Variants in GPC5 observed in about 807,000 individuals in gnomAD.
GPC5 encodes glypican 5.
GPC5 carries 47 observed loss-of-function variants against 53.9 expected under a neutral mutation model. That is an observed-to-expected ratio of 0.87 (90% confidence interval 0.69 to 1.11). The LOEUF is 1.11. GPC5 is among the 50% of genes most tolerant of loss of function. The pLI is 0.00. For missense variants in GPC5, 748 were observed against 713.1 expected (o/e 1.05, Z -0.56); for synonymous variants, 286 against 263.3 (o/e 1.09, Z -0.84).
At chr13:92,032,704 T>C (rs1008593223) in intron 6 of GPC5, among the ~76,000 whole-genome samples, 1 of 152,268 alleles carries the variant, frequency 6.6e-6, no homozygotes, top group African/African-American at 2.4e-5. Context: ...TTTGTACCAC[T>C]ATAAATTCAA....
At chr13:91,770,472 C>T (rs2037602129) in intron 5 of GPC5, among the ~76,000 whole-genome samples, 1 of 152,102 alleles carries the variant, frequency 6.6e-6, no homozygotes, top group Non-Finnish European at 1.5e-5. Context: ...AGCCCCCATC[C>T]AAGAGGCCAT....
intron 2 of GPC5, among the ~76,000 whole-genome samples, chr13:91,673,911 G>A (rs930303479): frequency 4.6e-5 from 7 of 151,798 alleles, no homozygotes; most frequent in East Asian, 1.9e-4. Flanking sequence ...AAAAGCATTC[G>A]TTTGCATTGT....
intron 3 of GPC5, among the ~76,000 whole-genome samples, chr13:91,700,849 A>G (rs2035977017): frequency 6.6e-6 from 1 of 152,154 alleles, no homozygotes; most frequent in Non-Finnish European, 1.5e-5. Flanking sequence ...TCCCAATATT[A>G]TGAGCTGTTT....
chr13:92,030,780 G>A (rs1292133285), intron 6 of GPC5, among the ~76,000 whole-genome samples: 1 of 152,218 alleles, frequency 6.6e-6, no homozygotes, highest in Non-Finnish European at 1.5e-5. Context: ...CATTTGCAGC[G>A]GGGAAGAGCC....
At chr13:91,422,567 C>T (rs1010871047) in intron 1 of GPC5, among the ~76,000 whole-genome samples, 1 of 151,866 alleles carries the variant, frequency 6.6e-6, no homozygotes, top group Non-Finnish European at 1.5e-5. Flanking sequence ...ACCCAGAAGG[C>T]AGAGTTTGCA....
At chr13:92,117,621 A>G (rs555553623) in intron 6 of GPC5, among the ~76,000 whole-genome samples, 12 of 152,282 alleles carry the variant, frequency 7.9e-5, no homozygotes, top group African/African-American at 2.9e-4. Flanking sequence ...CATGAATACC[A>G]TGTATCTCTC....
chr13:92,051,271 G>A (rs2041026530), intron 6 of GPC5, among the ~76,000 whole-genome samples: 1 of 147,850 alleles, frequency 6.8e-6, no homozygotes, highest in Non-Finnish European at 1.5e-5. Context: ...GCACCATCTC[G>A]GCTCACTGCA....
chr13:91,625,807 A>C (rs1285278379), intron 2 of GPC5, among the ~76,000 whole-genome samples: 1 of 152,132 alleles, frequency 6.6e-6, no homozygotes, highest in Non-Finnish European at 1.5e-5. Context: ...TAATACATAG[A>C]GTTTTCATTG....
At chr13:92,385,523 T>TAC (rs1566567787) in intron 7 of GPC5, among the ~76,000 whole-genome samples, 1 of 137,734 alleles carries the variant, frequency 7.3e-6, no homozygotes, top group African/African-American at 3.0e-5. Flanking sequence ...TACATACATA[T>TAC]GCATATATAC....
chr13:92,174,075 A>G (rs1270073386), intron 7 of GPC5, among the ~76,000 whole-genome samples: 2 of 152,190 alleles, frequency 1.3e-5, no homozygotes, highest in African/African-American at 2.4e-5. Flanking sequence ...ACTGCACTCT[A>G]GCCTGGGTGA....
At chr13:92,838,345 G>A (rs1352473045) in intron 7 of GPC5, among the ~76,000 whole-genome samples, 2 of 151,724 alleles carry the variant, frequency 1.3e-5, no homozygotes, top group Non-Finnish European at 2.9e-5. Context: ...TTAGCTGGGC[G>A]TGGTGGTGGG....
intron 7 of GPC5, among the ~76,000 whole-genome samples, chr13:92,482,929 A>G (rs1408593218): frequency 6.6e-6 from 1 of 152,068 alleles, no homozygotes; most frequent in Non-Finnish European, 1.5e-5. Flanking sequence ...GGTTTAATGG[A>G]CTCCCAGTTC....
At chr13:92,373,193 A>G (rs1488892192) in intron 7 of GPC5, among the ~76,000 whole-genome samples, 1 of 152,204 alleles carries the variant, frequency 6.6e-6, no homozygotes, top group African/African-American at 2.4e-5. Context: ...GGCTAGGTCA[A>G]CACATGAATA....
At chr13:92,034,426 A>G (rs2040877258) in intron 6 of GPC5, among the ~76,000 whole-genome samples, 1 of 152,164 alleles carries the variant, frequency 6.6e-6, no homozygotes, top group Non-Finnish European at 1.5e-5. Flanking sequence ...TGAACCCAGG[A>G]GGCAGAGGTT....
At chr13:91,650,750 GTT>G (rs67507888) in intron 2 of GPC5, among the ~76,000 whole-genome samples, 2,166 of 99,584 alleles carry the variant, frequency 0.022, 95 homozygotes, top group African/African-American at 0.076. Context: ...ATTCCCATAA[GTT>G]TTTTTTTTTT....
chr13:92,337,743 G>T (rs1450920404), intron 7 of GPC5, among the ~76,000 whole-genome samples: 2 of 152,092 alleles, frequency 1.3e-5, no homozygotes, highest in Non-Finnish European at 2.9e-5. Flanking sequence ...GGAACGACTG[G>T]ATTTACATGC....
At chr13:91,717,579 G>A (rs930038291) in intron 3 of GPC5, among the ~76,000 whole-genome samples, 8 of 151,488 alleles carry the variant, frequency 5.3e-5, no homozygotes, top group Non-Finnish European at 8.8e-5. Flanking sequence ...TTTTTTAGAC[G>A]GAGTTTCACT....
intron 7 of GPC5, among the ~76,000 whole-genome samples, chr13:92,590,919 C>T (rs1883692371): frequency 6.6e-6 from 1 of 152,292 alleles, no homozygotes; most frequent in South Asian, 2.1e-4. Context: ...TCTTTCTAGG[C>T]ATGTGCCCTG....
chr13:91,624,226 T>C (rs1190702751), intron 2 of GPC5, among the ~76,000 whole-genome samples: 1 of 152,174 alleles, frequency 6.6e-6, no homozygotes, highest in African/African-American at 2.4e-5. Flanking sequence ...GTCAAAAATC[T>C]ACCCCTATTG....
Sources: gnomAD v4.1 joint callset for allele counts (sites outside exome capture counted in the v4.1 genomes callset) on GRCh38, gnomAD v4.1.1 for gene constraint, MANE v1.5 for transcripts, NCBI Gene and HGNC (gene_info 2026-07-23, HGNC 2026-07-21) for gene names.